Variants in EPS8 observed in about 807,000 individuals in gnomAD.
EPS8 encodes EGFR pathway substrate 8, signaling adaptor.
A neutral mutation model predicts 103.8 loss-of-function variants in EPS8; 42 were observed. The observed-to-expected ratio is 0.40, with a 90% CI of 0.32 to 0.52. The LOEUF (loss-of-function observed/expected upper bound fraction) is 0.52. EPS8 is among the 20% of genes least tolerant of loss of function. The probability of loss-of-function intolerance (pLI) is 0.40; values close to 1 mark genes in which losing one functional copy is unlikely to be tolerated. For synonymous variants in EPS8, 344 were observed against 344.6 expected, an observed-to-expected ratio of 1.00 and a Z score of 0.02; for missense variants, 969 against 1,005.1, an observed-to-expected ratio of 0.96 and a Z score of 0.49.
chr12:15,770,267 T>A (rs1321280946), intron 1 of EPS8, among the ~76,000 whole-genome samples: 1 of 115,692 alleles, frequency 8.6e-6, no homozygotes, highest in African/African-American at 3.6e-5. Context: ...CCAGCCTGCA[T>A]GACAGAGCGA....
chr12:15,732,971 A>C (rs1370283778), intron 1 of EPS8, among the ~76,000 whole-genome samples: 1 of 152,204 alleles, frequency 6.6e-6, no homozygotes, highest in Admixed American at 6.5e-5. Context: ...TTAGACAAAA[A>C]TGACCACCTA....
chr12:15,703,507 T>C (rs952528539), intron 1 of EPS8, among the ~76,000 whole-genome samples: 1 of 151,968 alleles, frequency 6.6e-6, no homozygotes, highest in Non-Finnish European at 1.5e-5. Context: ...ACAAAGGATA[T>C]GGAAGGACAT....
At chr12:15,666,028 C>T (rs1227323343) in intron 7 of EPS8, 136 bp from the exon 8 acceptor site, 1 of 863,440 alleles carries the variant, frequency 1.2e-6, no homozygotes, top group South Asian at 1.8e-5. Flanking sequence ...CTAAGCATTA[C>T]ACATTATGCA....
Position 15,701,939 on chromosome 12 carries a change from G to C in EPS8, c.-21-18967C>G, listed in dbSNP as rs1319229364. On this transcript the variant is annotated intron_variant, in intron 1 of 20. Transcript: ENST00000281172. This position sits in a 1 kb window ranked among gnomAD's most constrained non-coding sequence, Gnocchi z 5.1. ...CTCTTACAATATTTTGCTTTCAGTA[G>C]AAAGACATCCTTTTAGATGTCAAGT... Among the ~76,000 whole-genome samples the C allele has an allele frequency of 6.6e-6, 1 of 152,136 alleles. No homozygotes were observed. Among genetic ancestry groups the C allele is most frequent in the East Asian group, 1.9e-4 (1 of 5,192 alleles).
chr12:15,709,606 C>T lies in EPS8; in HGVS notation c.-21-26634G>A, dbSNP rs536502608. Among the ~76,000 whole-genome samples the T allele has an allele frequency of 2.0e-5, 3 of 152,284 alleles. No homozygotes were observed. In the South Asian group the frequency reaches 6.2e-4, roughly 32 times the overall value. On this transcript the variant is annotated intron_variant, in intron 1 of 20. Transcript: ENST00000281172. Reference sequence around the variant, plus strand: ...GACTGTAGCATGAATTATGAATGGGCAAAGGGAGCCCAATTGGCTTTTAGA... The same window carrying T: ...GACTGTAGCATGAATTATGAATGGGTAAAGGGAGCCCAATTGGCTTTTAGA...
chr12:15,623,700 T>G (rs1258583818), intron 19 of EPS8, among the ~76,000 whole-genome samples: 1 of 152,220 alleles, frequency 6.6e-6, no homozygotes, highest in Non-Finnish European at 1.5e-5. Context: ...AATAGTTCAT[T>G]GTGCCAAATA....
chr12:15,632,340 G>A (rs1945061869), intron 17 of EPS8, among the ~76,000 whole-genome samples: 1 of 152,162 alleles, frequency 6.6e-6, no homozygotes, highest in African/African-American at 2.4e-5. Context: ...AAAGGTAGGT[G>A]TGACAAAATG....
At chr12:15,674,735 T>C (rs1357538901) in intron 3 of EPS8, among the ~76,000 whole-genome samples, 1 of 152,208 alleles carries the variant, frequency 6.6e-6, no homozygotes, top group Non-Finnish European at 1.5e-5. Context: ...TCAACTGTTC[T>C]GCCACATTCT....
At chr12:15,651,375 C>T (rs1161177026) in intron 13 of EPS8, among the ~76,000 whole-genome samples, 1 of 152,138 alleles carries the variant, frequency 6.6e-6, no homozygotes, top group Non-Finnish European at 1.5e-5. Flanking sequence ...ACTTCTCTAA[C>T]ATTTAAAGTA....
chr12:15,732,694 A>G (rs1207585730), intron 1 of EPS8: 2 of 774,836 alleles, frequency 2.6e-6, no homozygotes, highest in East Asian at 2.6e-4. Flanking sequence ...AAGAAACAAC[A>G]TTTCTTAAAG....
chr12:15,638,867 G>A (rs1221514717), intron 17 of EPS8, among the ~76,000 whole-genome samples: 1 of 152,198 alleles, frequency 6.6e-6, no homozygotes, highest in African/African-American at 2.4e-5. Flanking sequence ...AAACAGAAAA[G>A]TCAACTTATG....
intron 15 of EPS8, among the ~76,000 whole-genome samples, chr12:15,643,205 C>T (rs1251633320): frequency 6.6e-6 from 1 of 152,118 alleles, no homozygotes; most frequent in Non-Finnish European, 1.5e-5. Context: ...TTATCTTCCT[C>T]TCTTCCCCTA....
rs1947239422 is a variant in EPS8, at chr12:15,779,515, T to C, written c.-22+9646A>G. 6.6e-6 allele frequency among the ~76,000 whole-genome samples: 1 copy of C among 152,234 alleles called. No homozygotes were observed. Among genetic ancestry groups the C allele is most frequent in the Non-Finnish European group, 1.5e-5 (1 of 68,042 alleles). ...CATATTTTTATTTGCAGCTTTGTTT[T>C]TCCACTTCAGATACTGGAAACATTC... On this transcript the variant is annotated intron_variant, in intron 1 of 20. Coordinates refer to ENST00000281172, the MANE Select transcript of EPS8 (RefSeq NM_004447.6). The surrounding 1 kb of genome is among the most constrained non-coding windows in gnomAD (Gnocchi z 4.3).
chr12:15,654,592 G>T lies in EPS8; in HGVS notation c.1102-299C>A, dbSNP rs145211336. ...ACCAAAGGCTATGCAGAGAATTCTA[G>T]ATCAGGTGATTTTACTACCCCTGTT... is the stretch of plus-strand genomic sequence containing the variant. On this transcript the variant is annotated intron_variant, in intron 12 of 20. Coordinates refer to ENST00000281172, the MANE Select transcript of EPS8 (RefSeq NM_004447.6). 1.5e-4 allele frequency among the ~76,000 whole-genome samples: 23 copies of T among 152,286 alleles called. No individual in the cohort carries two copies. In the East Asian group the frequency reaches 4.2e-3, roughly 28 times the overall value.
In EPS8 at chr12:15,700,328, C is replaced by T. The variant is rs1046499960; in HGVS notation, c.-21-17356G>A. ...AATTCTGAGGTGTGGCAAACTAGTA[C>T]AGTCTTTTGCAAAATAATCCCTGAA... On this transcript the variant is annotated intron_variant, in intron 1 of 20. Transcript: ENST00000281172. The surrounding 1 kb of genome is among the most constrained non-coding windows in gnomAD (Gnocchi z 5.1). 6.6e-6 allele frequency among the ~76,000 whole-genome samples: 1 copy of T among 152,138 alleles called. No individual in the cohort carries two copies. Among genetic ancestry groups the T allele is most frequent in the African/African-American group, 2.4e-5 (1 of 41,428 alleles).
intron 3 of EPS8, among the ~76,000 whole-genome samples, chr12:15,675,111 A>G (rs1474990337): frequency 6.6e-6 from 1 of 152,254 alleles, no homozygotes. Context: ...CACTGCTACA[A>G]AAGAGTTGAA....
At chr12:15,626,345 T>C (rs1026897206) in intron 18 of EPS8, among the ~76,000 whole-genome samples, 1 of 152,070 alleles carries the variant, frequency 6.6e-6, no homozygotes, top group Non-Finnish European at 1.5e-5. Context: ...TCTTTTAAAA[T>C]GTAAGTCAGG....
At chr12:15,722,208 C>T (rs561241982) in intron 1 of EPS8, among the ~76,000 whole-genome samples, 32 of 148,412 alleles carry the variant, frequency 2.2e-4, no homozygotes, top group African/African-American at 5.7e-4. Context: ...AAAAAAAAAA[C>T]GCAAGAAAAA....
At chr12:15,743,468 CA>C (rs568573926) in intron 1 of EPS8, among the ~76,000 whole-genome samples, 26 of 152,222 alleles carry the variant, frequency 1.7e-4, no homozygotes, top group African/African-American at 6.3e-4. Context: ...AATCCTAAGC[CA>C]AAAGAACAAA....
Sources: allele counts gnomAD v4.1 joint callset (sites outside exome capture counted in the v4.1 genomes callset), GRCh38; gene constraint gnomAD v4.1.1; non-coding constraint Gnocchi (gnomAD v3.1); transcripts MANE v1.5; gene names NCBI Gene and HGNC (gene_info 2026-07-23, HGNC 2026-07-21).